C5orf24: variants seen among roughly 807,000 people sequenced by gnomAD.
C5orf24 encodes the protein chromosome 5 open reading frame 24, also known as UPF0461 protein C5orf24.
In C5orf24, 4 loss-of-function variants were observed where a neutral mutation model predicts 9.8. That is an observed-to-expected ratio of 0.41 (90% CI 0.20 to 0.93). The LOEUF is 0.93. Ranked by LOEUF, C5orf24 falls within the 40% of genes least tolerant of loss-of-function variation. C5orf24 has a pLI of 0.33. For synonymous variants in C5orf24, 73 were observed against 81.3 expected (o/e 0.90, Z 0.55); for missense variants, 170 against 236.9 (o/e 0.72, Z 1.85).
chr5:134,848,451 G>GT (rs1561885461), intron 1 of C5orf24, among the ~76,000 whole-genome samples: 1 of 150,802 alleles, frequency 6.6e-6, no homozygotes, highest in Non-Finnish European at 1.5e-5. Flanking sequence ...GAACTCGGGA[G>GT]TTTGAGACCA....
intron 1 of C5orf24, among the ~76,000 whole-genome samples, chr5:134,851,751 A>G (rs956910292): frequency 4.6e-5 from 7 of 152,184 alleles, no homozygotes; most frequent in Non-Finnish European, 8.8e-5. Flanking sequence ...ATAATATTGT[A>G]TGTTCCTTAT....
intron 1 of C5orf24, among the ~76,000 whole-genome samples, chr5:134,849,982 A>G (rs1486681100): frequency 2.6e-5 from 4 of 151,618 alleles, no homozygotes; most frequent in Non-Finnish European, 4.4e-5. Flanking sequence ...TTATCTTTCC[A>G]TTGGAATAAA....
Position 134,857,060 on chromosome 5 carries a change from A to T in C5orf24, c.*1593A>T. The T allele has an allele frequency of 8.9e-7, 1 of 1,121,664 alleles. No homozygotes were observed. Among genetic ancestry groups the T allele is most frequent in the South Asian group, 3.2e-5 (1 of 31,614 alleles). The allele number at this position is 1,121,664 out of a possible 1,614,324, so 69.5% of individuals were successfully genotyped here. A position where few individuals can be genotyped will look rare whatever the true frequency, so the allele number is the denominator to read the frequency against. ...GATATGTATAGTAGGGACAGAGGGA[A>T]ATCTTTCTTCTTTCCTTTCTGAAAG... On this transcript the variant is annotated 3_prime_UTR_variant, in exon 2 of 2. Transcript: ENST00000394976.
At chr5:134,847,657 C>T (rs1294947903) in intron 1 of C5orf24, among the ~76,000 whole-genome samples, 1 of 151,440 alleles carries the variant, frequency 6.6e-6, no homozygotes, top group African/African-American at 2.4e-5. Context: ...TTCTATAACT[C>T]TTGGCTTCTA....
chr5:134,844,316 C>G (rs1561883494), upstream of C5orf24, among the ~76,000 whole-genome samples: 1 of 152,110 alleles, frequency 6.6e-6, no homozygotes, highest in Non-Finnish European at 1.5e-5. Flanking sequence ...ATAAATAACA[C>G]TAGCATGATT....
chr5:134,855,774 G>C lies in C5orf24; in HGVS notation c.*307G>C. The C allele has an allele frequency of 8.2e-7, 1 of 1,215,756 alleles. No individual in the cohort carries two copies. Among genetic ancestry groups the C allele is most frequent in the Non-Finnish European group, 1.0e-6 (1 of 963,872 alleles). The allele number at this position is 1,215,756 out of a possible 1,614,324, so 75.3% of individuals were successfully genotyped here. A position where few individuals can be genotyped will look rare whatever the true frequency, so the allele number is the denominator to read the frequency against. ...TACTTTGGGGCTGTTCTAAATAGAT[G>C]CTTTATGTGATAAACAACTGAAACC... On this transcript the variant is annotated 3_prime_UTR_variant, in exon 2 of 2. Transcript: ENST00000394976.
chr5:134,844,338 T>C (rs1270033433), upstream of C5orf24, among the ~76,000 whole-genome samples: 2 of 152,172 alleles, frequency 1.3e-5, no homozygotes, highest in East Asian at 3.9e-4. Flanking sequence ...ATCCTGTTTT[T>C]TTAGCATTTT....
At chr5:134,846,892 T>C (rs1483264856) in intron 1 of C5orf24, 5 of 152,214 alleles carry the variant, frequency 3.3e-5, no homozygotes, top group African/African-American at 1.2e-4. Context: ...TTTAGAATTA[T>C]GAAACGTATA....
intron 1 of C5orf24, among the ~76,000 whole-genome samples, chr5:134,847,894 C>T (rs1756040790): frequency 6.6e-6 from 1 of 152,048 alleles, no homozygotes; most frequent in African/African-American, 2.4e-5. Context: ...GAGAGGGTTT[C>T]GCTGTGTTAT....
intron 1 of C5orf24, among the ~76,000 whole-genome samples, chr5:134,852,764 C>T (rs541732057): frequency 1.3e-5 from 2 of 152,304 alleles, no homozygotes; most frequent in East Asian, 1.9e-4. Flanking sequence ...CAGCCAGGCA[C>T]GGTGGCTCAC....
At chr5:134,841,332 G>A (rs939192407), upstream of C5orf24, among the ~76,000 whole-genome samples, 1 of 151,488 alleles carries the variant, frequency 6.6e-6, no homozygotes, top group Non-Finnish European at 1.5e-5. Flanking sequence ...GCTCACGCCT[G>A]TCATCCCAGC....
rs1195008007 is a variant in C5orf24 at position 134,857,661 on chromosome 5, C to T, written c.*2194C>T. Reference sequence around the variant, plus strand: ...GTATAACTTCTGACACACACAAATGCTTGCCTCTTTATTCATATGTTCGTT... The same window carrying T: ...GTATAACTTCTGACACACACAAATGTTTGCCTCTTTATTCATATGTTCGTT... On this transcript the variant is annotated 3_prime_UTR_variant, in exon 2 of 2. Coordinates refer to ENST00000394976, the MANE Select transcript of C5orf24 (RefSeq NM_001135586.1). 1 of 355,962 alleles carries T rather than the reference C, an allele frequency of 2.8e-6. No individual in the cohort carries two copies. The highest frequency in any genetic ancestry group is 5.2e-6 in the Non-Finnish European group (1 of 193,864). 22.1% of individuals were successfully genotyped at this position (355,962 alleles called of 1,614,324 possible).
intron 1 of C5orf24, among the ~76,000 whole-genome samples, chr5:134,848,506 A>G (rs1756059125): frequency 1.3e-5 from 2 of 150,862 alleles, no homozygotes; most frequent in Admixed American, 1.3e-4. Flanking sequence ...AAAAAAAAAA[A>G]AAGTATAAAA....
In C5orf24 at chr5:134,855,376, G is replaced by A. The variant is rs1291748729; in HGVS notation, c.476G>A (p.Gly159Asp). Reference protein sequence around the residue: ...SRLADLGYGCGTAAFPYPMMH... With the variant: ...SRLADLGYGCDTAAFPYPMMH... ...CTTGCCGATCTTGGTTATGGCTGTG[G>A]CACTGCTGCTTTTCCTTACCCTATG... is the stretch of plus-strand genomic sequence containing the variant. Residue 159 changes from glycine to aspartate, a missense_variant, in exon 2 of 2, where the codon GGC becomes GAC. By Grantham distance (94) the Gly-to-Asp change is moderately conservative (BLOSUM62 -1). Around this residue, in one of 3 missense-constraint regions of C5orf24, gnomAD observed 56 missense variants for 60.3 expected, o/e 0.93. Coordinates refer to ENST00000394976, the MANE Select transcript of C5orf24 (RefSeq NM_001135586.1). 2 of 1,614,200 alleles carry A rather than the reference G, an allele frequency of 1.2e-6. No homozygotes were observed. The highest frequency in any genetic ancestry group is 1.3e-5 in the African/African-American group (1 of 75,038).
chr5:134,855,766 A>G lies in C5orf24; in HGVS notation c.*299A>G. The G allele has an allele frequency of 8.0e-7, 1 of 1,246,576 alleles. No individual in the cohort carries two copies. Among genetic ancestry groups the G allele is most frequent in the Non-Finnish European group, 1.0e-6 (1 of 982,562 alleles). 77.2% of individuals were successfully genotyped at this position (1,246,576 alleles called of 1,614,324 possible). On this transcript the variant is annotated 3_prime_UTR_variant, in exon 2 of 2. Coordinates refer to ENST00000394976, the MANE Select transcript of C5orf24 (RefSeq NM_001135586.1). ...TTCATTACTACTTTGGGGCTGTTCT[A>G]AATAGATGCTTTATGTGATAAACAA...
intron 1 of C5orf24, among the ~76,000 whole-genome samples, chr5:134,851,765 C>T (rs988278518): frequency 3.9e-5 from 6 of 152,124 alleles, no homozygotes; most frequent in Admixed American, 2.0e-4. Flanking sequence ...TCCTTATAGG[C>T]TTGTACTGAG....
the C5orf24 span, among the ~76,000 whole-genome samples, chr5:134,840,455 G>T: frequency 6.6e-6 from 1 of 151,852 alleles, no homozygotes; most frequent in African/African-American, 2.4e-5. Flanking sequence ...GCTCACTGTA[G>T]CCCCAAACTC....
intron 1 of C5orf24, 126 bp from the exon 2 acceptor site, chr5:134,854,772 C>G: frequency 1.0e-6 from 1 of 973,600 alleles, no homozygotes; most frequent in Non-Finnish European, 1.5e-6. Flanking sequence ...GGAGTCCTGC[C>G]TGTTAGCCTA....
At chr5:134,834,985 A>G in the C5orf24 span, among the ~76,000 whole-genome samples, 1 of 152,054 alleles carries the variant, frequency 6.6e-6, no homozygotes, top group African/African-American at 2.4e-5. Context: ...CAGAGGTTGC[A>G]GTGAGCCAAG....
Sources: allele counts gnomAD v4.1 joint callset (sites outside exome capture counted in the v4.1 genomes callset), GRCh38; gene constraint gnomAD v4.1.1; regional missense constraint gnomAD v4.1.1; transcripts MANE v1.5; gene names NCBI Gene and HGNC (gene_info 2026-07-23, HGNC 2026-07-21).